The following VTI1A variants were observed in gnomAD, a reference collection of about 807,000 sequenced individuals.
VTI1A encodes vesicle transport through interaction with t-SNAREs homolog 1A.
A neutral mutation model predicts 34.9 loss-of-function variants in VTI1A; 22 were observed. The ratio of observed to expected loss-of-function variants is 0.63; its 90% CI spans 0.45 to 0.90. The LOEUF (loss-of-function observed/expected upper bound fraction) is 0.90. VTI1A is among the 40% of genes least tolerant of loss of function. VTI1A has a pLI of 0.00. For synonymous variants in VTI1A, 87 were observed against 97.3 expected (o/e 0.89, Z 0.62); for missense variants, 268 against 275.6 (o/e 0.97, Z 0.20).
chr10:112,685,889 C>T (rs1848387236), intron 7 of VTI1A, among the ~76,000 whole-genome samples: 1 of 152,124 alleles, frequency 6.6e-6, no homozygotes, highest in African/African-American at 2.4e-5. Context: ...AAAATGTCCA[C>T]CCCTTATGTG....
intron 7 of VTI1A, among the ~76,000 whole-genome samples, chr10:112,760,030 C>T (rs1473292074): frequency 1.3e-5 from 2 of 152,162 alleles, no homozygotes; most frequent in Non-Finnish European, 2.9e-5. Flanking sequence ...GCCTGGGTTG[C>T]AAATAGCCAG....
intron 5 of VTI1A, among the ~76,000 whole-genome samples, chr10:112,549,074 A>T (rs577283002): frequency 6.6e-6 from 1 of 152,230 alleles, no homozygotes; most frequent in South Asian, 2.1e-4. Flanking sequence ...CAGCGCTTAC[A>T]TCTGCCGCCC....
intron 5 of VTI1A, among the ~76,000 whole-genome samples, chr10:112,666,447 C>A (rs1204836370): frequency 2.6e-5 from 4 of 152,190 alleles, no homozygotes; most frequent in Admixed American, 2.6e-4. Context: ...TCTTCTGTAA[C>A]ACTTCTTTAA....
downstream of VTI1A, chr10:112,823,582 C>T (rs981942158): frequency 4.6e-5 from 7 of 152,186 alleles, no homozygotes; most frequent in African/African-American, 1.7e-4. Flanking sequence ...CAGATTGGGG[C>T]GCGTGGCTGA....
At chr10:112,726,138 G>C (rs1223188117) in intron 7 of VTI1A, among the ~76,000 whole-genome samples, 1 of 152,046 alleles carries the variant, frequency 6.6e-6, no homozygotes, top group Non-Finnish European at 1.5e-5. Context: ...TAGGCATCTG[G>C]TTCCACCTGG....
intron 7 of VTI1A, among the ~76,000 whole-genome samples, chr10:112,691,806 A>G (rs750869278): frequency 1.3e-5 from 2 of 152,198 alleles, no homozygotes; most frequent in Non-Finnish European, 2.9e-5. Flanking sequence ...CTTCTAGTCA[A>G]AGTGACATGG....
chr10:112,707,132 A>G (rs2133912093), intron 7 of VTI1A, among the ~76,000 whole-genome samples: 1 of 152,162 alleles, frequency 6.6e-6, no homozygotes, highest in Non-Finnish European at 1.5e-5. Flanking sequence ...CCATTGAACC[A>G]TTGGGGGTTT....
At chr10:112,668,161 T>G in intron 5 of VTI1A, 57 bp from the exon 6 acceptor site, 6 of 1,439,786 alleles carry the variant, frequency 4.2e-6, no homozygotes, top group Non-Finnish European at 5.8e-6. Context: ...ATTTCTGAGA[T>G]TTACTCTCAT....
At chr10:112,490,866 T>G (rs1396034712) in intron 3 of VTI1A, among the ~76,000 whole-genome samples, 4 of 152,216 alleles carry the variant, frequency 2.6e-5, no homozygotes, top group African/African-American at 9.6e-5. Flanking sequence ...CCAGCTTGCC[T>G]CTAGCTGCTA....
chr10:112,598,305 T>G (rs1844746777), intron 5 of VTI1A, among the ~76,000 whole-genome samples: 1 of 152,190 alleles, frequency 6.6e-6, no homozygotes, highest in Non-Finnish European at 1.5e-5. Flanking sequence ...CTTATGCAGG[T>G]AGTTTATGTA....
intron 5 of VTI1A, among the ~76,000 whole-genome samples, chr10:112,665,099 G>A (rs1847594437): frequency 6.6e-6 from 1 of 152,160 alleles, no homozygotes. Context: ...TTAGGCCTCT[G>A]AGCTTGTGTT....
At chr10:112,809,290 T>G (rs1221592591) in intron 7 of VTI1A, among the ~76,000 whole-genome samples, 1 of 152,250 alleles carries the variant, frequency 6.6e-6, no homozygotes, top group Non-Finnish European at 1.5e-5. Flanking sequence ...TACTCCTGTT[T>G]TCATTTCTTT....
At chr10:112,618,833 A>G (rs1001256149) in intron 5 of VTI1A, among the ~76,000 whole-genome samples, 2 of 152,054 alleles carry the variant, frequency 1.3e-5, no homozygotes, top group African/African-American at 2.4e-5. Flanking sequence ...CAAAAACACA[A>G]TGGTTGATTA....
chr10:112,565,597 G>C (rs995974741), intron 5 of VTI1A, among the ~76,000 whole-genome samples: 2 of 152,028 alleles, frequency 1.3e-5, no homozygotes, highest in East Asian at 3.8e-4. Flanking sequence ...CAACTTACAC[G>C]ACTGGCTGTA....
intron 7 of VTI1A, among the ~76,000 whole-genome samples, chr10:112,743,956 G>A (rs925215461): frequency 2.0e-5 from 3 of 152,130 alleles, no homozygotes; most frequent in Admixed American, 6.6e-5. Flanking sequence ...GCAGCACCTT[G>A]AAGAAATCCA....
At chr10:112,509,879 GACC>G in intron 3 of VTI1A, among the ~76,000 whole-genome samples, 1 of 152,176 alleles carries the variant, frequency 6.6e-6, no homozygotes, top group Non-Finnish European at 1.5e-5. Flanking sequence ...AAAGGTAAGG[GACC>G]TCCTTCCTGA....
chr10:112,757,138 G>T (rs1272387964), intron 7 of VTI1A, among the ~76,000 whole-genome samples: 1 of 151,842 alleles, frequency 6.6e-6, no homozygotes, highest in African/African-American at 2.4e-5. Flanking sequence ...GCTACTGTAG[G>T]TACAAGGGTG....
chr10:112,683,919 T>A (rs898876476), intron 7 of VTI1A, among the ~76,000 whole-genome samples: 2 of 152,018 alleles, frequency 1.3e-5, no homozygotes, highest in Non-Finnish European at 2.9e-5. Context: ...GCTGGGTGCC[T>A]GTAATCGCAG....
chr10:112,563,305 A>G (rs909415706), intron 5 of VTI1A, among the ~76,000 whole-genome samples: 5 of 152,208 alleles, frequency 3.3e-5, no homozygotes, highest in African/African-American at 4.8e-5. Context: ...TAAGACTGCA[A>G]ACAAAGACTA....
Sources: gnomAD v4.1 joint callset for allele counts (sites outside exome capture counted in the v4.1 genomes callset) on GRCh38, gnomAD v4.1.1 for gene constraint, MANE v1.5 for transcripts, NCBI Gene and HGNC (gene_info 2026-07-23, HGNC 2026-07-21) for gene names.